ARHGEF17: variants seen among roughly 807,000 people sequenced by gnomAD.
ARHGEF17 encodes the protein Rho guanine nucleotide exchange factor 17.
In ARHGEF17, 80 loss-of-function variants were observed where a neutral mutation model predicts 174.0. The ratio of observed to expected loss-of-function variants is 0.46; its 90% CI spans 0.38 to 0.55. The LOEUF is 0.55. ARHGEF17 is among the 20% of genes least tolerant of loss of function. The probability of loss-of-function intolerance (pLI) is 0.00; values close to 1 mark genes in which losing one functional copy is unlikely to be tolerated. For synonymous variants in ARHGEF17, 1,311 were observed against 1,189.1 expected, an observed-to-expected ratio of 1.10 and a Z score of -2.11; for missense variants, 2,886 against 2,839.7, an observed-to-expected ratio of 1.02 and a Z score of -0.37.
At position 73,311,601 on chromosome 11, in the gene ARHGEF17, T is replaced by C. The variant is rs1864837125; in HGVS notation, c.2963T>C (p.Ile988Thr). The C allele has an allele frequency of 6.2e-7, 1 of 1,613,294 alleles. No individual in the cohort carries two copies. Among genetic ancestry groups the C allele is most frequent in the Non-Finnish European group, 8.5e-7 (1 of 1,179,902 alleles). Residue 988 changes from isoleucine (I) to threonine (T), a missense_variant, in exon 1 of 21, where the codon ATA becomes ACA. Ile to Thr is a moderately conservative substitution (Grantham distance 89). Transcript: ENST00000263674. ...VGPPVAVPEP[I>T]GFPTRAHPTL... Reference sequence around the variant, plus strand: ...CCCCCTGTGGCTGTGCCAGAACCCATAGGCTTCCCTACCCGAGCCCATCCC... The same window carrying C: ...CCCCCTGTGGCTGTGCCAGAACCCACAGGCTTCCCTACCCGAGCCCATCCC...
At chr11:73,313,918 T>C (rs1450823317) in intron 1 of ARHGEF17, among the ~76,000 whole-genome samples, 5 of 152,106 alleles carry the variant, frequency 3.3e-5, no homozygotes, top group Non-Finnish European at 7.4e-5. Context: ...AGAAGAAAAA[T>C]GGAGGCTGCA....
At chr11:73,338,808 C>T (rs1291952893) in intron 1 of ARHGEF17, among the ~76,000 whole-genome samples, 1 of 151,848 alleles carries the variant, frequency 6.6e-6, no homozygotes, top group Non-Finnish European at 1.5e-5. Context: ...GAACTGGGTT[C>T]TACCTCTTAC....
At chr11:73,357,375 A>C (rs1257478312) in intron 9 of ARHGEF17, 48 bp downstream of exon 9, 1 of 1,554,036 alleles carries the variant, frequency 6.4e-7, no homozygotes, top group East Asian at 2.3e-5. Flanking sequence ...TCCTCTGAGA[A>C]GCCCTCCTGG....
intron 1 of ARHGEF17, among the ~76,000 whole-genome samples, chr11:73,341,815 CAG>C (rs1033572649): frequency 4.6e-5 from 7 of 152,156 alleles, no homozygotes; most frequent in South Asian, 2.1e-4. Context: ...GCAGGAAACT[CAG>C]GGGAAAGCAG....
rs200615011 is a variant in ARHGEF17 at position 73,365,590 on chromosome 11, C to A, written c.5725+26C>A. 6.2e-7 allele frequency: 1 copy of A among 1,612,692 alleles called. No individual in the cohort carries two copies. Among genetic ancestry groups the A allele is most frequent in the Non-Finnish European group, 8.5e-7 (1 of 1,178,808 alleles). On this transcript the variant is annotated intron_variant, in intron 19 of 20. Transcript: ENST00000263674. The surrounding 1 kb of genome is among the most constrained non-coding windows in gnomAD (Gnocchi z 4.9). ...GTACTGACCTCAAACTACCACAGCA[C>A]CCTCCTTGGAGCCTTTCTGCCCGAT...
At chr11:73,343,112 G>A in intron 1 of ARHGEF17, 1 of 173,328 alleles carries the variant, frequency 5.8e-6, no homozygotes, top group Non-Finnish European at 1.2e-5. Context: ...CCGCCACCCC[G>A]GCGCCCCCGC....
intron 1 of ARHGEF17, among the ~76,000 whole-genome samples, chr11:73,315,927 G>A (rs940645560): frequency 1.3e-5 from 2 of 151,798 alleles, no homozygotes; most frequent in African/African-American, 4.8e-5. Context: ...TACCCCTCCT[G>A]CTTCCCTCCC....
chr11:73,331,701 G>A (rs1016648366), intron 1 of ARHGEF17, among the ~76,000 whole-genome samples: 1 of 152,166 alleles, frequency 6.6e-6, no homozygotes, highest in Admixed American at 6.5e-5. Context: ...AAGGCACAAA[G>A]TGCTGCCAAC....
rs1865891640 is a variant in ARHGEF17, at chr11:73,369,235, CTG to C, written c.*1459_*1460del. ...TGGACGGCGAGGTTGCCACGATTTG[CTG>C]TGTTACCTGGGCAGGTGGCTGGGCT... On this transcript the variant is annotated 3_prime_UTR_variant, in exon 21 of 21. Coordinates refer to ENST00000263674, the MANE Select transcript of ARHGEF17 (RefSeq NM_014786.4). 1 of 152,302 alleles carries C rather than the reference CTG, an allele frequency of 6.6e-6. No individual in the cohort carries two copies. Among genetic ancestry groups the C allele is most frequent in the South Asian group, 2.1e-4 (1 of 4,838 alleles). 9.4% of individuals were successfully genotyped at this position (152,302 alleles called of 1,614,324 possible).
In ARHGEF17 at chr11:73,333,687, C is replaced by T. The variant is rs115953664; in HGVS notation, c.3193-13196C>T. Among the ~76,000 whole-genome samples, 1,121 of 152,170 alleles carry T rather than the reference C, an allele frequency of 7.4e-3. 17 individuals are homozygous for T. The highest frequency in any genetic ancestry group is 0.023 in the African/African-American group (938 of 41,508). On this transcript the variant is annotated intron_variant, in intron 1 of 20. Transcript: ENST00000263674. ...CTTACTCTCCCCTCAGAGTGTCACCCGGGTCCTGGAACAGGGTGGGAGTAG... is the reference window on the plus strand; with the variant it reads ...CTTACTCTCCCCTCAGAGTGTCACCTGGGTCCTGGAACAGGGTGGGAGTAG...
In ARHGEF17 at chr11:73,356,702, C is replaced by A. The variant is rs191659728; in HGVS notation, c.3841-7C>A. ...CTTCGAGATGCCTTGTCCCTCCTGT[C>A]CCACAGCTCCAGGCCCCTCTGCGGC... On this transcript the variant is annotated splice_polypyrimidine_tract_variant and splice_region_variant and intron_variant, in intron 6 of 20. Coordinates refer to ENST00000263674, the MANE Select transcript of ARHGEF17 (RefSeq NM_014786.4). 3 of 1,614,154 alleles carry A rather than the reference C, an allele frequency of 1.9e-6. No individual in the cohort carries two copies. Among genetic ancestry groups the A allele is most frequent in the Admixed American group, 1.7e-5 (1 of 60,024 alleles).
chr11:73,365,429 G>T lies in ARHGEF17; in HGVS notation c.5590G>T (p.Ala1864Ser), dbSNP rs548832805. The change falls in exon 19 of 21, where the codon GCT (alanine) becomes TCT (serine). Residue 1864 changes from alanine (A) to serine (S), a missense_variant. By Grantham distance (99) the Ala-to-Ser change is moderately conservative (BLOSUM62 1). Transcript: ENST00000263674. The surrounding 1 kb of genome is among the most constrained non-coding windows in gnomAD (Gnocchi z 4.9). ...GGGTCAGGATTCAAGCCGCTGCGTGGCTTGCATGGTGGACTCCAGCCTGGG... is the reference window on the plus strand; with the variant it reads ...GGGTCAGGATTCAAGCCGCTGCGTGTCTTGCATGGTGGACTCCAGCCTGGG... ...YVGQDSSRCV[A>S]CMVDSSLGVW... 1.8e-5 allele frequency: 29 copies of T among 1,614,014 alleles called. No homozygotes were observed. The East Asian group carries it at 6.0e-4, about 33-fold the overall frequency.
chr11:73,328,432 A>T (rs1156515577), intron 1 of ARHGEF17, among the ~76,000 whole-genome samples: 1 of 152,174 alleles, frequency 6.6e-6, no homozygotes, highest in African/African-American at 2.4e-5. Context: ...CAGGGTTGCC[A>T]GAGTCACCCA....
At chr11:73,329,350 TATATA>T (rs1865157447) in intron 1 of ARHGEF17, among the ~76,000 whole-genome samples, 1 of 42,374 alleles carries the variant, frequency 2.4e-5, no homozygotes, top group African/African-American at 2.0e-4. Flanking sequence ...TATATATATA[TATATA>T]TATATATATA....
At position 73,364,166 on chromosome 11, in the gene ARHGEF17, A is replaced by G. The variant is rs114159525; in HGVS notation, c.5334-6A>G. On this transcript the variant is annotated splice_region_variant and splice_polypyrimidine_tract_variant and intron_variant, in intron 16 of 20. Coordinates refer to ENST00000263674, the MANE Select transcript of ARHGEF17 (RefSeq NM_014786.4). ...TCCCTTACTGCTTCCTCTTTTCCCTACCCAGGTATCTGAATAACCAGGTGT... is the reference window on the plus strand; with the variant it reads ...TCCCTTACTGCTTCCTCTTTTCCCTGCCCAGGTATCTGAATAACCAGGTGT... The G allele has an allele frequency of 8.0e-4, 1,295 of 1,613,884 alleles. 7 individuals carry two copies. In the African/African-American group the frequency reaches 0.014, roughly 18 times the overall value.
In ARHGEF17 at chr11:73,365,392, C is replaced by T. The variant is rs749576093; in HGVS notation, c.5553C>T (p.His1851=). 5 of 1,613,858 alleles carry T rather than the reference C, an allele frequency of 3.1e-6. No homozygotes were observed. The South Asian group carries it at 5.5e-5, about 18-fold the overall frequency. The stretch of plus-strand genomic sequence containing the variant: ...ATCTTCTCCCCCGCCTTCCCCAGCA[C>T]ATGTTTTACGTGGGTCAGGATTCAA... ...VLSPDTLQLE[H]MFYVGQDSSR... is the part of the protein sequence containing the mutation. Residue 1851 remains histidine (H), a splice_region_variant and synonymous_variant, in exon 19 of 21, where the codon CAC becomes CAT. Transcript: ENST00000263674. The surrounding 1 kb of genome is among the most constrained non-coding windows in gnomAD (Gnocchi z 4.9).
At chr11:73,312,967 G>T (rs1186678594) in intron 1 of ARHGEF17, among the ~76,000 whole-genome samples, 1 of 152,176 alleles carries the variant, frequency 6.6e-6, no homozygotes, top group African/African-American at 2.4e-5. Context: ...TAGATTCCAG[G>T]CTGTGGATTC....
In ARHGEF17 at chr11:73,311,265, C is replaced by G. The variant is rs1404546498; in HGVS notation, c.2627C>G (p.Pro876Arg). ...GAGCAGCGGGCAGAGCCAGAAGAAC[C>G]TGGTGCCACCAGGAGCCGGGCACAG... Reference protein sequence around the residue: ...LVEQRAEPEEPGATRSRAQSE... With the variant: ...LVEQRAEPEERGATRSRAQSE... Residue 876 changes from proline to arginine, a missense_variant, in exon 1 of 21, where the codon CCT becomes CGT. By Grantham distance (103) the Pro-to-Arg change is moderately radical (BLOSUM62 -2). Coordinates refer to ENST00000263674, the MANE Select transcript of ARHGEF17 (RefSeq NM_014786.4). 1 of 1,612,826 alleles carries G rather than the reference C, an allele frequency of 6.2e-7. No individual in the cohort carries two copies. The highest frequency in any genetic ancestry group is 8.5e-7 in the Non-Finnish European group (1 of 1,179,710).
rs370660401 is a variant in ARHGEF17, at chr11:73,311,247, G to A, written c.2609G>A (p.Arg870Gln). 37 of 1,611,596 alleles carry A rather than the reference G, an allele frequency of 2.3e-5. No homozygotes were observed. Among genetic ancestry groups the A allele is most frequent in the South Asian group, 9.9e-5 (9 of 90,952 alleles). Residue 870 changes from arginine to glutamine, a missense_variant, in exon 1 of 21, where the codon CGG (arginine) becomes CAG (glutamine). This residue lies in a region of ARHGEF17 where 1,728 missense variants were observed against 1,461.2 expected (regional missense o/e 1.18). Transcript: ENST00000263674. ...SSSEPILVEQ[R>Q]AEPEEPGATR... is the part of the protein sequence containing the mutation. ...AGCGAGCCCATCCTTGTAGAGCAGC[G>A]GGCAGAGCCAGAAGAACCTGGTGCC... is the stretch of plus-strand genomic sequence containing the variant.
Sources: gnomAD v4.1 joint callset for allele counts (sites outside exome capture counted in the v4.1 genomes callset) on GRCh38, gnomAD v4.1.1 for gene constraint, gnomAD v4.1.1 regional missense constraint, Gnocchi (gnomAD v3.1) non-coding constraint, MANE v1.5 for transcripts, NCBI Gene and HGNC (gene_info 2026-07-23, HGNC 2026-07-21) for gene names.